KCTD16: variants seen among roughly 807,000 people sequenced by gnomAD.
KCTD16 encodes potassium channel tetramerization domain containing 16.
A neutral mutation model predicts 33.2 loss-of-function variants in KCTD16; 13 were observed. The observed-to-expected ratio is 0.39, with a 90% CI of 0.25 to 0.62. The LOEUF is 0.62. Among genes scored for constraint, KCTD16 ranks in the 20% least tolerant of loss-of-function variants. KCTD16 has a pLI of 0.50. For synonymous variants in KCTD16, 197 were observed against 195.3 expected (o/e 1.01, Z -0.07); for missense variants, 441 against 525.1 (o/e 0.84, Z 1.57).
chr5:144,465,187 C>CCA (rs1561618146), intron 3 of KCTD16, among the ~76,000 whole-genome samples: 2 of 111,820 alleles, frequency 1.8e-5, no homozygotes, highest in African/African-American at 3.6e-5. Flanking sequence ...TCTCTCCCCC[C>CCA]CCTCTCTCTC....
At chr5:144,373,147 C>T (rs116705278) in intron 3 of KCTD16, among the ~76,000 whole-genome samples, 2,418 of 152,120 alleles carry the variant, frequency 0.016, 35 homozygotes, top group Middle Eastern at 0.034. Context: ...TGCCACCAAC[C>T]GAAATATTTG....
chr5:144,373,815 G>T (rs1005110668), intron 3 of KCTD16, among the ~76,000 whole-genome samples: 1 of 152,208 alleles, frequency 6.6e-6, no homozygotes, highest in African/African-American at 2.4e-5. Flanking sequence ...GATGAGGTTA[G>T]TTAGCCCATG....
intron 3 of KCTD16, among the ~76,000 whole-genome samples, chr5:144,209,173 A>G (rs1248388049): frequency 6.6e-6 from 1 of 152,222 alleles, no homozygotes; most frequent in East Asian, 1.9e-4. Flanking sequence ...CTTCAACCAA[A>G]TAAATGGAAA....
intron 3 of KCTD16, among the ~76,000 whole-genome samples, chr5:144,309,176 A>G (rs1263381792): frequency 6.6e-6 from 1 of 152,186 alleles, no homozygotes; most frequent in East Asian, 1.9e-4. Context: ...AGACAGAATC[A>G]GTACTTTCTC....
At chr5:144,417,840 TG>T in intron 3 of KCTD16, among the ~76,000 whole-genome samples, 1 of 152,268 alleles carries the variant, frequency 6.6e-6, no homozygotes, top group African/African-American at 2.4e-5. Flanking sequence ...TGGTATTATT[TG>T]TTGAAGATGT....
chr5:144,203,835 A>T (rs1244095910), intron 2 of KCTD16, among the ~76,000 whole-genome samples: 3 of 152,270 alleles, frequency 2.0e-5, no homozygotes, highest in African/African-American at 7.2e-5. Flanking sequence ...AAGTAAACTT[A>T]GATCACTATA....
chr5:144,333,901 C>T lies in KCTD16; in HGVS notation c.832+126355C>T, dbSNP rs919984047. 2.6e-5 allele frequency among the ~76,000 whole-genome samples: 4 copies of T among 152,252 alleles called. No homozygotes were observed. In the South Asian group the frequency reaches 8.3e-4, roughly 32 times the overall value. ...CCACATCTGGCTCCCTCTTTTCCCT[C>T]CATCTTTTCTTTGTGTCTGGAACCT... On this transcript the variant is annotated intron_variant, in intron 3 of 3. Transcript: ENST00000512467.
At position 144,299,044 on chromosome 5, in the gene KCTD16, C is replaced by CTATATA. The variant is rs10589565; in HGVS notation, c.832+91522_832+91527dup. On this transcript the variant is annotated intron_variant, in intron 3 of 3. Coordinates refer to ENST00000512467, the MANE Select transcript of KCTD16 (RefSeq NM_020768.4). ...TGCTATGAATAAGTAAAACAGATCACTATATATATATATATATATATATAT... is the reference window on the plus strand; with the variant it reads ...TGCTATGAATAAGTAAAACAGATCACTATATATATATATATATATATATATATATAT... Among the ~76,000 whole-genome samples, 39 of 35,946 alleles carry CTATATA rather than the reference C, an allele frequency of 1.1e-3. 1 individual carries two copies. The highest frequency in any genetic ancestry group is 1.8e-3 in the African/African-American group (19 of 10,454). The allele number at this position is 35,946 out of a possible 152,430, so 23.6% of individuals were successfully genotyped here. A position where few individuals can be genotyped will look rare whatever the true frequency, so the allele number is the denominator to read the frequency against.
rs1342538736 is a variant in KCTD16, at chr5:144,482,925, A to C, written c.*8811A>C. 6.6e-6 allele frequency: 1 copy of C among 151,728 alleles called. No homozygotes were observed. The highest frequency in any genetic ancestry group is 2.4e-5 in the African/African-American group (1 of 41,350). The allele number at this position is 151,728 out of a possible 1,614,324, so 9.4% of individuals were successfully genotyped here. On this transcript the variant is annotated 3_prime_UTR_variant, in exon 4 of 4. Transcript: ENST00000512467. ...TTATATTTGGTTTCCTAGACGGTCT[A>C]ATATAGTTCTAATTTCCAAAATTCT...
intron 3 of KCTD16, among the ~76,000 whole-genome samples, chr5:144,369,958 A>G (rs1005720784): frequency 1.3e-5 from 2 of 152,190 alleles, no homozygotes; most frequent in African/African-American, 4.8e-5. Context: ...GTGTCAATGA[A>G]AAAGAAAATA....
rs549016635 is a variant in KCTD16, at chr5:144,344,286, G to A, written c.833-129374G>A. On this transcript the variant is annotated intron_variant, in intron 3 of 3. Transcript: ENST00000512467. ...AGAAAACCTAGGCATTACCATTCAG[G>A]ACATAGGCATGGGCAAGGACTTCAT... 1.9e-4 allele frequency among the ~76,000 whole-genome samples: 29 copies of A among 151,350 alleles called. No individual in the cohort carries two copies. In the East Asian group the frequency reaches 5.2e-3, roughly 27 times the overall value.
chr5:144,448,079 A>C (rs1057490106), intron 3 of KCTD16, among the ~76,000 whole-genome samples: 1 of 152,076 alleles, frequency 6.6e-6, no homozygotes, highest in African/African-American at 2.4e-5. Context: ...ACAAGCTCAC[A>C]GATAGTCCAT....
intron 3 of KCTD16, among the ~76,000 whole-genome samples, chr5:144,283,231 G>T (rs1348367874): frequency 6.6e-6 from 1 of 152,106 alleles, no homozygotes; most frequent in Non-Finnish European, 1.5e-5. Flanking sequence ...GGCTTTTGTG[G>T]AGTTTAAGTC....
intron 3 of KCTD16, among the ~76,000 whole-genome samples, chr5:144,273,628 T>C (rs1330725033): frequency 6.6e-6 from 1 of 152,094 alleles, no homozygotes; most frequent in Non-Finnish European, 1.5e-5. Context: ...TGATACAACA[T>C]AGATGGAACT....
At chr5:144,438,134 G>A (rs74585150) in intron 3 of KCTD16, among the ~76,000 whole-genome samples, 24 of 151,644 alleles carry the variant, frequency 1.6e-4, no homozygotes, top group Non-Finnish European at 2.8e-4. Context: ...TTTTAAATGC[G>A]GCTACTAGAA....
intron 3 of KCTD16, among the ~76,000 whole-genome samples, chr5:144,371,402 C>G (rs566752889): frequency 2.0e-4 from 30 of 152,242 alleles, no homozygotes; most frequent in Middle Eastern, 3.4e-3. Context: ...TCATTCAAGA[C>G]TGTTTTGGGA....
intron 3 of KCTD16, among the ~76,000 whole-genome samples, chr5:144,271,629 A>C (rs1426612415): frequency 6.6e-6 from 1 of 152,096 alleles, no homozygotes; most frequent in Non-Finnish European, 1.5e-5. Context: ...TATTTAACGT[A>C]ATACTTGGAA....
chr5:144,310,621 A>G (rs753681977), intron 3 of KCTD16, among the ~76,000 whole-genome samples: 9 of 151,870 alleles, frequency 5.9e-5, no homozygotes, highest in South Asian at 2.1e-4. Context: ...GATCAATAAT[A>G]TTAATCAAAA....
In KCTD16 at chr5:144,206,857, A is replaced by C; in HGVS notation, c.143A>C (p.His48Pro). Residue 48 changes from histidine (H) to proline (P), a missense_variant, in exon 3 of 4, where the codon CAT (histidine) becomes CCT (proline). By Grantham distance (77) the His-to-Pro change is moderately conservative. Transcript: ENST00000512467. ...CATTCCACATTGATAAGCATCCCTC[A>C]TTCCCTCCTGTGGAAAATGTTTTCC... is the stretch of plus-strand genomic sequence containing the variant. The part of the protein sequence containing the change: ...TRHSTLISIP[H>P]SLLWKMFSPK... 1.2e-6 allele frequency: 2 copies of C among 1,614,120 alleles called. No individual in the cohort carries two copies. The highest frequency in any genetic ancestry group is 2.2e-5 in the East Asian group (1 of 44,872).
Sources: allele counts gnomAD v4.1 joint callset (sites outside exome capture counted in the v4.1 genomes callset), GRCh38; gene constraint gnomAD v4.1.1; transcripts MANE v1.5; gene names NCBI Gene and HGNC (gene_info 2026-07-23, HGNC 2026-07-21).